COMMD1: variants seen among roughly 807,000 people sequenced by gnomAD.
COMMD1 encodes the protein copper metabolism domain containing 1, also known as COMM domain-containing protein 1.
In COMMD1, 10 loss-of-function variants were observed where a neutral mutation model predicts 17.2. The ratio of observed to expected loss-of-function variants is 0.58; its 90% CI spans 0.36 to 0.99. COMMD1 has a LOEUF of 0.99. Ranked by LOEUF, COMMD1 falls within the 50% of genes least tolerant of loss-of-function variation. The probability of loss-of-function intolerance (pLI) is 0.01; values close to 1 mark genes in which losing one functional copy is unlikely to be tolerated. For synonymous variants in COMMD1, 97 were observed against 91.6 expected (o/e 1.06, Z -0.34); for missense variants, 270 against 231.8 (o/e 1.17, Z -1.07).
intron 2 of COMMD1, among the ~76,000 whole-genome samples, chr2:62,003,489 C>A (rs1374018425): frequency 4.6e-5 from 7 of 150,760 alleles, no homozygotes; most frequent in African/African-American, 1.7e-4. Context: ...TGCAGTGAGC[C>A]GAGATTGTGC....
intron 2 of COMMD1, among the ~76,000 whole-genome samples, chr2:62,129,332 C>T (rs977692403): frequency 5.3e-5 from 8 of 152,054 alleles, no homozygotes; most frequent in Non-Finnish European, 1.2e-4. Context: ...TGAGAACAGC[C>T]CCACAGGACA....
chr2:62,009,993 A>G (rs551485791), intron 2 of COMMD1, among the ~76,000 whole-genome samples: 1 of 152,196 alleles, frequency 6.6e-6, no homozygotes, highest in Non-Finnish European at 1.5e-5. Flanking sequence ...ATAACTTACC[A>G]GTTGAAAAGT....
At position 61,893,741 on chromosome 2, in the gene COMMD1, C is replaced by T. The variant is rs374077885; in HGVS notation, n.119+4899C>T. 2.0e-5 allele frequency among the ~76,000 whole-genome samples: 3 copies of T among 151,382 alleles called. No individual in the cohort carries two copies. In the East Asian group the frequency reaches 5.8e-4, roughly 29 times the overall value. ...AGGAAGGAGAATTGCTTGAACCTGG[C>T]AGGCGGAGGTTGCAGTGAGCTGAAA... is the stretch of plus-strand genomic sequence containing the variant. On this transcript the variant is annotated intron_variant and non_coding_transcript_variant, in intron 1 of 2. Transcript: ENST00000472729.
At chr2:62,037,083 A>G (rs1205712772) in intron 2 of COMMD1, among the ~76,000 whole-genome samples, 1 of 152,166 alleles carries the variant, frequency 6.6e-6, no homozygotes, top group Non-Finnish European at 1.5e-5. Flanking sequence ...TACCATTTGC[A>G]TTTCAAGAAC....
chr2:62,044,999 A>G (rs912399508), intron 2 of COMMD1, among the ~76,000 whole-genome samples: 4 of 152,224 alleles, frequency 2.6e-5, no homozygotes, highest in Admixed American at 6.5e-5. Context: ...ACAAAAATCA[A>G]TTCACTGAGA....
chr2:61,957,227 G>A (rs887586507), intron 1 of COMMD1, among the ~76,000 whole-genome samples: 1 of 151,958 alleles, frequency 6.6e-6, no homozygotes, highest in Non-Finnish European at 1.5e-5. Flanking sequence ...TGAGTAGCAG[G>A]GATTACAGGT....
At chr2:61,955,321 T>TCG (rs1254634126) in intron 1 of COMMD1, among the ~76,000 whole-genome samples, 1 of 151,438 alleles carries the variant, frequency 6.6e-6, no homozygotes, top group East Asian at 1.9e-4. Context: ...TTTCTCTCTC[T>TCG]CTCTCTCTCT....
At chr2:62,031,238 G>C (rs1326386772) in intron 2 of COMMD1, among the ~76,000 whole-genome samples, 1 of 152,164 alleles carries the variant, frequency 6.6e-6, no homozygotes, top group African/African-American at 2.4e-5. Context: ...ATACTAGTGA[G>C]CTAGGCCTCT....
At chr2:61,914,368 G>A (rs972478502) in intron 1 of COMMD1, among the ~76,000 whole-genome samples, 1 of 151,766 alleles carries the variant, frequency 6.6e-6, no homozygotes, top group African/African-American at 2.4e-5. Flanking sequence ...GTGAAACCTT[G>A]TCTCTACTAA....
intron 1 of COMMD1, among the ~76,000 whole-genome samples, chr2:61,978,594 T>G (rs1671868222): frequency 6.6e-6 from 1 of 152,206 alleles, no homozygotes; most frequent in Admixed American, 6.5e-5. Flanking sequence ...GAGGAAAAGT[T>G]CCTCTCCTTA....
At chr2:61,927,600 A>G (rs867341431) in intron 1 of COMMD1, among the ~76,000 whole-genome samples, 30 of 151,730 alleles carry the variant, frequency 2.0e-4, no homozygotes, top group Admixed American at 3.3e-4. Context: ...GGATTTCACC[A>G]TGTTAGCCAG....
At chr2:61,966,871 C>T (rs1671517980) in intron 1 of COMMD1, among the ~76,000 whole-genome samples, 1 of 151,954 alleles carries the variant, frequency 6.6e-6, no homozygotes, top group Non-Finnish European at 1.5e-5. Flanking sequence ...AATAATAAGG[C>T]TTCTATTTAT....
intron 2 of COMMD1, among the ~76,000 whole-genome samples, chr2:62,014,405 C>T (rs1669372659): frequency 6.6e-6 from 1 of 151,790 alleles, no homozygotes; most frequent in Non-Finnish European, 1.5e-5. Context: ...GGCTGGTTGG[C>T]TCTGGGCTTC....
chr2:62,000,200 AG>A (rs1668886152), intron 1 of COMMD1, among the ~76,000 whole-genome samples: 1 of 151,700 alleles, frequency 6.6e-6, no homozygotes, highest in Non-Finnish European at 1.5e-5. Flanking sequence ...CTGGGATTAC[AG>A]GTGTGAGCCA....
intron 2 of COMMD1, among the ~76,000 whole-genome samples, chr2:62,062,219 T>G (rs1183017569): frequency 1.4e-5 from 2 of 147,814 alleles, no homozygotes; most frequent in African/African-American, 5.3e-5. Flanking sequence ...TTTTTCGGTT[T>G]TTTTTTGTTT....
chr2:62,014,367 G>T (rs1244972498), intron 2 of COMMD1, among the ~76,000 whole-genome samples: 1 of 151,880 alleles, frequency 6.6e-6, no homozygotes, highest in Non-Finnish European at 1.5e-5. Context: ...GTGTTGAACT[G>T]CCTGTGTTTG....
intron 1 of COMMD1, among the ~76,000 whole-genome samples, chr2:61,892,370 C>T (rs186025876): frequency 4.6e-5 from 7 of 152,114 alleles, no homozygotes; most frequent in Admixed American, 6.6e-5. Context: ...AATAATAGGA[C>T]TGAGCCAGGA....
At position 62,000,872 on chromosome 2, in the gene COMMD1, G is replaced by A. The variant is rs1307382657; in HGVS notation, c.352G>A (p.Gly118Arg). 2.5e-6 allele frequency: 4 copies of A among 1,614,018 alleles called. No homozygotes were observed. The highest frequency in any genetic ancestry group is 1.3e-5 in the African/African-American group (1 of 74,906). Residue 118 changes from glycine to arginine, a missense_variant, in exon 2 of 3, where the codon GGG becomes AGG. Coordinates refer to ENST00000311832, the MANE Select transcript of COMMD1 (RefSeq NM_152516.4). ...CATGAACCAGAGCCGCTGGAATAGCGGGCTTCGGGGCCTGAGCTGGAGAGT... is the reference window on the plus strand; with the variant it reads ...CATGAACCAGAGCCGCTGGAATAGCAGGCTTCGGGGCCTGAGCTGGAGAGT... ...SLMNQSRWNS[G>R]LRGLSWRVDG...
chr2:61,957,440 A>G (rs571504716), intron 1 of COMMD1, among the ~76,000 whole-genome samples: 10 of 152,294 alleles, frequency 6.6e-5, no homozygotes, highest in South Asian at 2.1e-4. Flanking sequence ...CCATATAAGG[A>G]TAGAATTTTC....
Sources: gnomAD v4.1 joint callset for allele counts (sites outside exome capture counted in the v4.1 genomes callset) on GRCh38, gnomAD v4.1.1 for gene constraint, MANE v1.5 for transcripts, NCBI Gene and HGNC (gene_info 2026-07-23, HGNC 2026-07-21) for gene names.